The following ATP2B4 variants were observed in gnomAD, a reference collection of about 807,000 sequenced individuals.
The protein encoded by ATP2B4 is plasma membrane calcium-transporting ATPase 4.
In ATP2B4, 39 loss-of-function variants were observed where a neutral mutation model predicts 110.3. The observed-to-expected ratio is 0.35, with a 90% confidence interval of 0.27 to 0.46. The LOEUF (loss-of-function observed/expected upper bound fraction) is 0.46. ATP2B4 is among the 20% of genes least tolerant of loss of function. The probability of loss-of-function intolerance (pLI) is 1.00; values close to 1 mark genes in which losing one functional copy is unlikely to be tolerated. For synonymous variants in ATP2B4, 538 were observed against 571.7 expected, an observed-to-expected ratio of 0.94 and a Z score of 0.84; for missense variants, 1,135 against 1,530.9, an observed-to-expected ratio of 0.74 and a Z score of 4.32.
At chr1:203,688,054 C>T (rs563844260) in intron 2 of ATP2B4, among the ~76,000 whole-genome samples, 10 of 149,628 alleles carry the variant, frequency 6.7e-5, no homozygotes, top group Non-Finnish European at 1.5e-4. Context: ...GATGGATTCT[C>T]ACTCTGTCAC....
chr1:203,729,002 C>T (rs1261150102), intron 20 of ATP2B4, among the ~76,000 whole-genome samples: 4 of 151,954 alleles, frequency 2.6e-5, no homozygotes, highest in Non-Finnish European at 5.9e-5. Flanking sequence ...CCTGTAGTCC[C>T]AGCTACTTGG....
intron 20 of ATP2B4, chr1:203,733,377 C>A: frequency 6.2e-7 from 1 of 1,613,898 alleles, no homozygotes; most frequent in South Asian, 1.1e-5. Flanking sequence ...TCTGTTCCTG[C>A]TGTTTCATCT....
At chr1:203,723,117 CAAAG>C (rs1231090677) in intron 18 of ATP2B4, among the ~76,000 whole-genome samples, 3 of 151,980 alleles carry the variant, frequency 2.0e-5, no homozygotes, top group Non-Finnish European at 2.9e-5. Context: ...TTGTGCAACT[CAAAG>C]AAAGAGAAGT....
intron 20 of ATP2B4, among the ~76,000 whole-genome samples, chr1:203,734,948 G>A (rs1390197734): frequency 7.7e-6 from 1 of 129,306 alleles, no homozygotes; most frequent in Non-Finnish European, 1.6e-5. Context: ...AGGTTGCGGT[G>A]AGCCAAGATG....
chr1:203,652,196 G>A (rs2102319793), intron 1 of ATP2B4, among the ~76,000 whole-genome samples: 1 of 143,660 alleles, frequency 7.0e-6, no homozygotes, highest in East Asian at 2.1e-4. Flanking sequence ...CTAAGCTGGA[G>A]TGCAGTGGCA....
In ATP2B4 at chr1:203,742,987, T is replaced by G. The variant is rs1010622836; in HGVS notation, c.*3133T>G. 2 of 152,664 alleles carry G rather than the reference T, an allele frequency of 1.3e-5. No individual in the cohort carries two copies. The highest frequency in any genetic ancestry group is 4.8e-5 in the African/African-American group (2 of 41,460). The allele number at this position is 152,664 out of a possible 1,614,324, so 9.5% of individuals were successfully genotyped here. A position where few individuals can be genotyped will look rare whatever the true frequency, so the allele number is the denominator to read the frequency against. On this transcript the variant is annotated 3_prime_UTR_variant, in exon 21 of 21. Transcript: ENST00000357681. The stretch of plus-strand genomic sequence containing the variant: ...TAGCCCTGAGTGACAGTCTTAAGGC[T>G]AGATCCTTCCCATAGTATCATCTGT...
intron 1 of ATP2B4, among the ~76,000 whole-genome samples, chr1:203,646,786 A>T (rs911132565): frequency 2.0e-5 from 3 of 152,032 alleles, no homozygotes; most frequent in African/African-American, 7.3e-5. Flanking sequence ...AAAATAAAAA[A>T]AGATTCTGAG....
At chr1:203,684,944 A>G (rs964785926) in intron 2 of ATP2B4, among the ~76,000 whole-genome samples, 3 of 152,006 alleles carry the variant, frequency 2.0e-5, no homozygotes, top group Non-Finnish European at 2.9e-5. Context: ...GCTCACTGCA[A>G]CCTCCACCTC....
chr1:203,720,479 C>T (rs534442609), intron 15 of ATP2B4, 70 bp from the exon 16 acceptor site: 1 of 1,469,092 alleles, frequency 6.8e-7, no homozygotes, highest in Admixed American at 2.2e-5. Flanking sequence ...TCGGAAGCTT[C>T]CTGGAGGTCA....
intron 2 of ATP2B4, among the ~76,000 whole-genome samples, chr1:203,693,280 C>T (rs1284158595): frequency 2.6e-5 from 4 of 152,098 alleles, no homozygotes; most frequent in Admixed American, 1.3e-4. Flanking sequence ...GGGGATTGGC[C>T]GAGCTCCCAG....
intron 20 of ATP2B4, among the ~76,000 whole-genome samples, chr1:203,734,736 G>C (rs1443137022): frequency 6.6e-6 from 1 of 150,408 alleles, no homozygotes; most frequent in Non-Finnish European, 1.5e-5. Context: ...CAGGCACAGT[G>C]GTTCACGCCT....
rs370419408 is a variant in ATP2B4, at chr1:203,683,467, C to T, written c.193+69C>T. 6.8e-6 allele frequency: 10 copies of T among 1,467,102 alleles called. No homozygotes were observed. The African/African-American group carries it at 9.8e-5, about 14-fold the overall frequency. The allele number at this position is 1,467,102 out of a possible 1,614,324, so 90.9% of individuals were successfully genotyped here. On this transcript the variant is annotated intron_variant, in intron 2 of 20. Transcript: ENST00000357681. ...GTGTTTCAAAATATTGTTTTCCCAG[C>T]TTCTAGAGAAGGCACATTTCTGGAG...
Position 203,721,429 on chromosome 1 carries a change from G to A in ATP2B4, c.2812+19G>A. On this transcript the variant is annotated intron_variant, in intron 17 of 20. Transcript: ENST00000357681. ...TTTGCGGGTGAGCCACTTTGGGGGTGGGTAGCAGCTGGGGTCCTGGTTGGA... is the reference window on the plus strand; with the variant it reads ...TTTGCGGGTGAGCCACTTTGGGGGTAGGTAGCAGCTGGGGTCCTGGTTGGA... The A allele has an allele frequency of 6.2e-7, 1 of 1,611,622 alleles. No homozygotes were observed. The highest frequency in any genetic ancestry group is 1.1e-5 in the South Asian group (1 of 91,016).
intron 2 of ATP2B4, among the ~76,000 whole-genome samples, chr1:203,694,536 G>A (rs566834770): frequency 2.0e-5 from 3 of 152,294 alleles, no homozygotes; most frequent in East Asian, 1.9e-4. Context: ...TGTCTAGTGC[G>A]TTTAGAGAAC....
chr1:203,631,633 G>T (rs941048573), intron 1 of ATP2B4, among the ~76,000 whole-genome samples: 5 of 152,132 alleles, frequency 3.3e-5, no homozygotes, highest in African/African-American at 4.8e-5. Context: ...TGGGCGCTGG[G>T]AGTCCCAGGG....
chr1:203,638,902 T>A (rs987660196), intron 1 of ATP2B4, among the ~76,000 whole-genome samples: 2 of 152,266 alleles, frequency 1.3e-5, no homozygotes, highest in African/African-American at 4.8e-5. Context: ...TGCAAAGAAG[T>A]ATTTGGCACT....
In ATP2B4 at chr1:203,699,621, G is replaced by A. The variant is rs1665631710; in HGVS notation, c.553G>A (p.Glu185Lys). The change falls in exon 4 of 21, where the codon GAA (glutamate) becomes AAA (lysine). Residue 185 changes from glutamate (E) to lysine (K), a missense_variant. Coordinates refer to ENST00000357681, the MANE Select transcript of ATP2B4 (RefSeq NM_001684.5). ...KQFRGLQCRI[E>K]QEQKFSIIRN... ...ATTCCGGGGGCTGCAGTGCCGCATT[G>A]AACAGGAGCAAAAGTTCTCCATCAT... The A allele has an allele frequency of 1.9e-6, 3 of 1,614,172 alleles. No individual in the cohort carries two copies. Among genetic ancestry groups the A allele is most frequent in the Middle Eastern group, 1.6e-4 (1 of 6,062 alleles).
At chr1:203,632,448 A>G (rs983802625) in intron 1 of ATP2B4, among the ~76,000 whole-genome samples, 20 of 151,418 alleles carry the variant, frequency 1.3e-4, no homozygotes, top group African/African-American at 4.4e-4. Context: ...GGTTCACGCC[A>G]TTCTCCTGCC....
At chr1:203,709,164 G>GAA in intron 10 of ATP2B4, 137 bp from the exon 11 acceptor site, 54 of 1,040,114 alleles carry the variant, frequency 5.2e-5, no homozygotes, top group Non-Finnish European at 5.7e-5. Flanking sequence ...CTCCAAAAAA[G>GAA]AAAAAAAAAA....
Sources: allele counts gnomAD v4.1 joint callset (sites outside exome capture counted in the v4.1 genomes callset), GRCh38; gene constraint gnomAD v4.1.1; transcripts MANE v1.5; gene names NCBI Gene and HGNC (gene_info 2026-07-23, HGNC 2026-07-21).